NTM: variants seen among roughly 807,000 people sequenced by gnomAD.
NTM encodes the protein neurotrimin, also known as IgLON family member 2.
Under a neutral mutation model 42.1 loss-of-function variants are expected in NTM, and 13 were observed. The ratio of observed to expected loss-of-function variants is 0.31; its 90% CI spans 0.20 to 0.49. The LOEUF (loss-of-function observed/expected upper bound fraction) is 0.49, where lower values mean the gene tolerates loss of function less well. Among genes scored for constraint, NTM ranks in the 20% least tolerant of loss-of-function variants. The probability of loss-of-function intolerance (pLI) is 0.99; values close to 1 mark genes in which losing one functional copy is unlikely to be tolerated. For synonymous variants in NTM, 187 were observed against 179.2 expected (o/e 1.04, Z -0.35); for missense variants, 373 against 452.8 (o/e 0.82, Z 1.60).
At chr11:131,821,044 T>G (rs377422908) in intron 1 of NTM, among the ~76,000 whole-genome samples, 4 of 152,048 alleles carry the variant, frequency 2.6e-5, no homozygotes, top group African/African-American at 9.6e-5. Context: ...TTTTTCTAAT[T>G]ATGTAATAAG....
intron 7 of NTM, among the ~76,000 whole-genome samples, chr11:132,329,045 G>A (rs1162834815): frequency 6.6e-6 from 1 of 152,144 alleles, no homozygotes; most frequent in East Asian, 1.9e-4. Context: ...AAATCAAGAG[G>A]GATATCGTGT....
At chr11:132,314,367 C>T (rs569844126) in intron 6 of NTM, 185 bp from the exon 7 acceptor site, 3 of 238,004 alleles carry the variant, frequency 1.3e-5, no homozygotes, top group African/African-American at 2.3e-5. Context: ...AATCAAGAAA[C>T]AACGTGTCAC....
intron 1 of NTM, among the ~76,000 whole-genome samples, chr11:131,905,677 T>C (rs1431153200): frequency 1.3e-5 from 2 of 152,168 alleles, no homozygotes; most frequent in Admixed American, 6.5e-5. Context: ...CACTATTTCA[T>C]AAAATTCTTT....
At chr11:131,463,548 A>G (rs2136125975) in intron 1 of NTM, among the ~76,000 whole-genome samples, 1 of 152,368 alleles carries the variant, frequency 6.6e-6, no homozygotes, top group Non-Finnish European at 1.5e-5. Context: ...GACAGCTGCT[A>G]GTATTATTAT....
intron 2 of NTM, among the ~76,000 whole-genome samples, chr11:131,995,910 G>T (rs1299022998): frequency 1.3e-5 from 2 of 152,114 alleles, no homozygotes; most frequent in Admixed American, 1.3e-4. Context: ...GAGGGGTCTG[G>T]CATCTCATTG....
intron 2 of NTM, among the ~76,000 whole-genome samples, chr11:132,136,595 G>A (rs1458637583): frequency 6.6e-6 from 1 of 152,218 alleles, no homozygotes; most frequent in African/African-American, 2.4e-5. Flanking sequence ...CAAAGATCAG[G>A]TGGACAGGCA....
At chr11:132,144,858 C>T (rs778229833) in intron 2 of NTM, among the ~76,000 whole-genome samples, 1 of 152,166 alleles carries the variant, frequency 6.6e-6, no homozygotes, top group Non-Finnish European at 1.5e-5. Context: ...TCTTTTTGGG[C>T]AGTATTTCCC....
rs546431246 is a variant in NTM, at chr11:132,205,534, C to T, written c.401-6488C>T. On this transcript the variant is annotated intron_variant, in intron 3 of 8. Coordinates refer to ENST00000683400, the MANE Select transcript of NTM (RefSeq NM_001352005.2). ...TAATGTATTAAACATGGAACTGTAT[C>T]CAAACAGCATGGCTCCCTTGGCTTC... is the stretch of plus-strand genomic sequence containing the variant. 6.6e-5 allele frequency among the ~76,000 whole-genome samples: 10 copies of T among 152,206 alleles called. No individual in the cohort carries two copies. In the South Asian group the frequency reaches 2.1e-3, roughly 32 times the overall value.
intron 3 of NTM, among the ~76,000 whole-genome samples, chr11:132,176,016 A>G (rs78910753): frequency 0.018 from 2,668 of 152,204 alleles, 83 homozygotes; most frequent in African/African-American, 0.06. Context: ...TTATTTCTGA[A>G]TGACCACCAT....
At chr11:131,592,494 C>T (rs182116229) in intron 1 of NTM, among the ~76,000 whole-genome samples, 19 of 148,544 alleles carry the variant, frequency 1.3e-4, no homozygotes, top group Admixed American at 1.1e-3. Flanking sequence ...TTTAAAATGC[C>T]TTACAAAGCT....
rs544043192 is a variant in NTM, at chr11:131,635,658, A to G, written c.82+264770A>G. On this transcript the variant is annotated intron_variant, in intron 1 of 8. Transcript: ENST00000683400. ...TGAATAAAGACTTTTTTATTAATTT[A>G]GTGTATTTAATTTTTATTAATTTAG... Among the ~76,000 whole-genome samples the G allele has an allele frequency of 8.5e-5, 13 of 152,266 alleles. No individual in the cohort carries two copies. The South Asian group carries it at 2.7e-3, about 32-fold the overall frequency.
chr11:132,044,086 G>GTATGTA (rs796469426), intron 2 of NTM, among the ~76,000 whole-genome samples: 2 of 144,928 alleles, frequency 1.4e-5, no homozygotes, highest in African/African-American at 2.6e-5. Context: ...GTGTTTGTGT[G>GTATGTA]TATGTGTGTA....
chr11:131,633,321 C>T (rs2063852802), intron 1 of NTM, among the ~76,000 whole-genome samples: 1 of 152,096 alleles, frequency 6.6e-6, no homozygotes, highest in Non-Finnish European at 1.5e-5. Flanking sequence ...CCCTTATGTC[C>T]CATTGACTCT....
chr11:132,285,404 G>A (rs972463), intron 4 of NTM, among the ~76,000 whole-genome samples: 19,137 of 152,142 alleles, frequency 0.13, 1,503 homozygotes, highest in East Asian at 0.18. Context: ...TGAAGAAGGA[G>A]GAATGAAATG....
chr11:131,434,555 T>C (rs1173697719), intron 1 of NTM, among the ~76,000 whole-genome samples: 8 of 152,276 alleles, frequency 5.3e-5, no homozygotes, highest in Non-Finnish European at 1.2e-4. Flanking sequence ...TGAGTGTTTT[T>C]TTCATGTGTT....
At chr11:131,952,298 A>T (rs577660355) in intron 2 of NTM, among the ~76,000 whole-genome samples, 1 of 152,236 alleles carries the variant, frequency 6.6e-6, no homozygotes, top group South Asian at 2.1e-4. Flanking sequence ...TATGCATATG[A>T]CCCTTACTAC....
At chr11:131,618,839 GC>G (rs1342624006) in intron 1 of NTM, among the ~76,000 whole-genome samples, 1 of 152,174 alleles carries the variant, frequency 6.6e-6, no homozygotes, top group Non-Finnish European at 1.5e-5. Flanking sequence ...GTAGAAGACT[GC>G]CCATGTGTAT....
At chr11:132,321,390 C>G (rs2095565160) in intron 7 of NTM, among the ~76,000 whole-genome samples, 1 of 152,076 alleles carries the variant, frequency 6.6e-6, no homozygotes, top group African/African-American at 2.4e-5. Flanking sequence ...GCAGAAGCCT[C>G]AGGAGCCGAT....
At chr11:131,890,023 G>A (rs1407756062) in intron 1 of NTM, among the ~76,000 whole-genome samples, 1 of 151,916 alleles carries the variant, frequency 6.6e-6, no homozygotes, top group Non-Finnish European at 1.5e-5. Flanking sequence ...CCCACCCAAA[G>A]CTCATCTCTC....
Sources: gnomAD v4.1 joint callset for allele counts (sites outside exome capture counted in the v4.1 genomes callset) on GRCh38, gnomAD v4.1.1 for gene constraint, MANE v1.5 for transcripts, NCBI Gene and HGNC (gene_info 2026-07-23, HGNC 2026-07-21) for gene names.